The following RABGEF1 variants were observed in gnomAD, a reference collection of about 807,000 sequenced individuals.
The protein encoded by RABGEF1 is rab5 GDP/GTP exchange factor.
Under a neutral mutation model 57.3 loss-of-function variants are expected in RABGEF1, and 26 were observed. The ratio of observed to expected loss-of-function variants is 0.45; its 90% confidence interval spans 0.33 to 0.63. The LOEUF is 0.63. Ranked by LOEUF, RABGEF1 falls within the 20% of genes least tolerant of loss-of-function variation. The pLI, the probability that RABGEF1 is intolerant of heterozygous loss-of-function variation, is 0.02. For missense variants in RABGEF1, 464 were observed against 607.6 expected, an observed-to-expected ratio of 0.76 and a Z score of 2.48; for synonymous variants, 185 against 210.7, an observed-to-expected ratio of 0.88 and a Z score of 1.06.
chr7:66,769,313 C>G (rs1806505813), intron 1 of RABGEF1, among the ~76,000 whole-genome samples: 1 of 152,244 alleles, frequency 6.6e-6, no homozygotes, highest in African/African-American at 2.4e-5. Context: ...TCCCCAGCAA[C>G]TGCAGTCGCT....
the RABGEF1 span, among the ~76,000 whole-genome samples, chr7:66,675,622 T>C: frequency 2.0e-5 from 3 of 152,050 alleles, no homozygotes; most frequent in Admixed American, 1.3e-4. Flanking sequence ...AAGATTCAGA[T>C]CGGAAAGGAA....
chr7:66,705,798 C>T (rs1218974481), intron 1 of RABGEF1, among the ~76,000 whole-genome samples: 1 of 150,400 alleles, frequency 6.6e-6, no homozygotes. Context: ...CAACCTCCAC[C>T]TCCTGGGTTC....
At chr7:66,757,942 A>G (rs547675824) in intron 1 of RABGEF1, among the ~76,000 whole-genome samples, 2 of 152,138 alleles carry the variant, frequency 1.3e-5, no homozygotes, top group Non-Finnish European at 2.9e-5. Context: ...TTGTCTGTAT[A>G]TATCAGGTTT....
chr7:66,734,818 C>T (rs1232376658), intron 2 of RABGEF1, among the ~76,000 whole-genome samples: 1 of 152,054 alleles, frequency 6.6e-6, no homozygotes, highest in African/African-American at 2.4e-5. Context: ...CACTGCTGGT[C>T]GCTGTGGCTT....
Position 66,802,891 on chromosome 7 carries a change from A to C in RABGEF1, c.821-2249A>C, listed in dbSNP as rs577591729. On this transcript the variant is annotated intron_variant, in intron 7 of 8. Transcript: ENST00000284957. The stretch of plus-strand genomic sequence containing the variant: ...TCAACAGTAAAGATGAACAGGATGC[A>C]AGATGAAAGAACATTGAAAAATAAA... Among the ~76,000 whole-genome samples, 13 of 152,336 alleles carry C rather than the reference A, an allele frequency of 8.5e-5. No homozygotes were observed. In the South Asian group the frequency reaches 2.5e-3, roughly 29 times the overall value.
intron 1 of RABGEF1, among the ~76,000 whole-genome samples, chr7:66,751,537 TA>T (rs1211569055): frequency 6.6e-6 from 1 of 152,108 alleles, no homozygotes. Context: ...GCTAGGCAGG[TA>T]GAGTGGGGCT....
intron 1 of RABGEF1, among the ~76,000 whole-genome samples, chr7:66,746,525 G>A (rs1225277026): frequency 6.6e-6 from 1 of 151,086 alleles, no homozygotes; most frequent in African/African-American, 2.4e-5. Flanking sequence ...TCCTGACCTC[G>A]TGATCCACCC....
intron 3 of RABGEF1, among the ~76,000 whole-genome samples, chr7:66,778,023 A>G (rs1211155208): frequency 6.6e-6 from 1 of 152,200 alleles, no homozygotes; most frequent in African/African-American, 2.4e-5. Context: ...ATTCCATTGT[A>G]TCTTTGTTTC....
At chr7:66,766,523 G>T (rs1805758819) in intron 1 of RABGEF1, among the ~76,000 whole-genome samples, 1 of 151,728 alleles carries the variant, frequency 6.6e-6, no homozygotes, top group Admixed American at 6.6e-5. Context: ...ATTTATAAAT[G>T]GCTGGTGTCT....
the RABGEF1 span, among the ~76,000 whole-genome samples, chr7:66,658,839 C>T: frequency 6.6e-6 from 1 of 152,026 alleles, no homozygotes; most frequent in Non-Finnish European, 1.5e-5. Context: ...GGGTTCACGC[C>T]ATTCTCCTGC....
At chr7:66,774,493 C>G (rs987907459) in intron 2 of RABGEF1, among the ~76,000 whole-genome samples, 1 of 152,216 alleles carries the variant, frequency 6.6e-6, no homozygotes, top group African/African-American at 2.4e-5. Context: ...CATCACAGTT[C>G]ATCACACGCC....
chr7:66,788,098 C>G (rs568414046), intron 4 of RABGEF1, among the ~76,000 whole-genome samples: 1 of 152,302 alleles, frequency 6.6e-6, no homozygotes, highest in South Asian at 2.1e-4. Context: ...GGGGCAGGCT[C>G]TACTTCCTCA....
chr7:66,792,014 A>T (rs1352053126), intron 4 of RABGEF1, among the ~76,000 whole-genome samples: 1 of 151,762 alleles, frequency 6.6e-6, no homozygotes, highest in Non-Finnish European at 1.5e-5. Context: ...CGGGAGGCTG[A>T]GGCAGGAGAA....
At chr7:66,759,676 T>TGGGA (rs764933677) in intron 1 of RABGEF1, among the ~76,000 whole-genome samples, 114 of 152,068 alleles carry the variant, frequency 7.5e-4, no homozygotes, top group Non-Finnish European at 1.5e-3. Context: ...TCTCCCCTAG[T>TGGGA]GGGAGCAGGA....
At chr7:66,670,451 T>A in the RABGEF1 span, among the ~76,000 whole-genome samples, 1 of 149,740 alleles carries the variant, frequency 6.7e-6, no homozygotes, top group East Asian at 2.0e-4. Context: ...TTTTTTTTTT[T>A]TTTTTTTTTT....
At chr7:66,747,672 A>G (rs1165865734) in intron 1 of RABGEF1, among the ~76,000 whole-genome samples, 1 of 152,182 alleles carries the variant, frequency 6.6e-6, no homozygotes, top group Non-Finnish European at 1.5e-5. Context: ...TTAAAATTAG[A>G]ATTTTCTAAT....
upstream of RABGEF1, among the ~76,000 whole-genome samples, chr7:66,678,633 G>C (rs1197410445): frequency 6.6e-6 from 1 of 150,406 alleles, no homozygotes; most frequent in Non-Finnish European, 1.5e-5. Context: ...GAAGAGACAA[G>C]ACAATGTGGC....
chr7:66,770,539 A>G (rs1806832661), intron 1 of RABGEF1: 1 of 152,170 alleles, frequency 6.6e-6, no homozygotes, highest in African/African-American at 2.4e-5. Context: ...GCTGGAGTGC[A>G]GTGGTGTGAT....
In RABGEF1 at chr7:66,809,353, G is replaced by A. The variant is rs1789163443; in HGVS notation, c.*69G>A. ...TAGCCCTTACTACACTCAACTGATT[G>A]GGATCTAGAATGTAACTAAATTGCT... On this transcript the variant is annotated 3_prime_UTR_variant, in exon 9 of 9. Coordinates refer to ENST00000284957, the MANE Select transcript of RABGEF1 (RefSeq NM_014504.3). The A allele has an allele frequency of 1.4e-6, 2 of 1,472,818 alleles. No homozygotes were observed. The highest frequency in any genetic ancestry group is 4.3e-5 in the Admixed American group (2 of 46,304). 91.2% of individuals were successfully genotyped at this position (1,472,818 alleles called of 1,614,324 possible).
Sources: allele counts gnomAD v4.1 joint callset (sites outside exome capture counted in the v4.1 genomes callset), GRCh38; gene constraint gnomAD v4.1.1; transcripts MANE v1.5; gene names NCBI Gene and HGNC (gene_info 2026-07-23, HGNC 2026-07-21).